The following GFRA1 variants were observed in gnomAD, a reference collection of about 807,000 sequenced individuals.
GFRA1 encodes the protein GDNF family receptor alpha 1, also known as GDNF family receptor alpha-1.
In GFRA1, 16 loss-of-function variants were observed where a neutral mutation model predicts 51.6. The observed-to-expected ratio is 0.31, with a 90% CI of 0.21 to 0.47. The LOEUF (loss-of-function observed/expected upper bound fraction) is 0.47. Ranked by LOEUF, GFRA1 falls within the 20% of genes least tolerant of loss-of-function variation. GFRA1 has a pLI of 1.00. For synonymous variants in GFRA1, 270 were observed against 241.3 expected, an observed-to-expected ratio of 1.12 and a Z score of -1.10; for missense variants, 530 against 594.3, an observed-to-expected ratio of 0.89 and a Z score of 1.13.
At chr10:116,102,969 T>C (rs975127310) in intron 6 of GFRA1, among the ~76,000 whole-genome samples, 5 of 152,150 alleles carry the variant, frequency 3.3e-5, no homozygotes, top group Non-Finnish European at 5.9e-5. Flanking sequence ...CTTCAAACCA[T>C]TTAGTTTCTG....
intron 6 of GFRA1, among the ~76,000 whole-genome samples, chr10:116,098,238 C>G (rs116816039): frequency 6.6e-6 from 1 of 152,192 alleles, no homozygotes; most frequent in Non-Finnish European, 1.5e-5. Context: ...GGCCATGTGC[C>G]GAAGCTAAGT....
intron 5 of GFRA1, among the ~76,000 whole-genome samples, chr10:116,168,625 T>C (rs1227022426): frequency 1.3e-5 from 2 of 152,170 alleles, no homozygotes; most frequent in African/African-American, 4.8e-5. Flanking sequence ...AGGTGGATCA[T>C]GGCCAGTGGA....
chr10:116,203,340 G>A (rs1964487239), intron 5 of GFRA1, among the ~76,000 whole-genome samples: 1 of 152,166 alleles, frequency 6.6e-6, no homozygotes, highest in South Asian at 2.1e-4. Flanking sequence ...CAGACATCAG[G>A]GGTTCAAGCA....
intron 9 of GFRA1, among the ~76,000 whole-genome samples, chr10:116,075,846 G>A (rs1228238956): frequency 2.0e-5 from 3 of 151,988 alleles, no homozygotes; most frequent in East Asian, 3.9e-4. Flanking sequence ...CCGGGTTCAC[G>A]CCATTCTCCT....
At chr10:116,224,030 T>C (rs568271206) in intron 4 of GFRA1, among the ~76,000 whole-genome samples, 15 of 152,324 alleles carry the variant, frequency 9.8e-5, no homozygotes, top group African/African-American at 3.6e-4. Context: ...AAACAGAGCA[T>C]CGCTCACTAG....
intron 6 of GFRA1, among the ~76,000 whole-genome samples, chr10:116,116,472 G>A (rs1044262089): frequency 6.6e-6 from 1 of 152,228 alleles, no homozygotes; most frequent in Non-Finnish European, 1.5e-5. Flanking sequence ...GGTGAGGGTT[G>A]AGGACACTGA....
chr10:116,208,194 C>G (rs1589873848), intron 5 of GFRA1, among the ~76,000 whole-genome samples: 1 of 152,108 alleles, frequency 6.6e-6, no homozygotes, highest in East Asian at 1.9e-4. Flanking sequence ...TGTCCTCCCC[C>G]AGATACTTCA....
At position 116,065,598 on chromosome 10, in the gene GFRA1, C is replaced by A; in HGVS notation, c.1226G>T (p.Gly409Val). The change falls in exon 10 of 11, where the codon GGC becomes GTC. Residue 409 changes from glycine (G) to valine (V), a missense_variant. Transcript: ENST00000355422. ...ATTGGAAATACAGAGGTGTGTATTG[C>A]CCGACACATTGGATTTCAGCTTCTG... ...QAQKLKSNVS[G>V]NTHLCISNGN... 1 of 1,613,476 alleles carries A rather than the reference C, an allele frequency of 6.2e-7. No individual in the cohort carries two copies.
intron 6 of GFRA1, among the ~76,000 whole-genome samples, chr10:116,105,514 C>T (rs938476262): frequency 6.6e-6 from 1 of 152,158 alleles, no homozygotes; most frequent in Non-Finnish European, 1.5e-5. Context: ...CAAAGGTCAT[C>T]CACCATGGCT....
At position 116,125,244 on chromosome 10, in the gene GFRA1, G is replaced by A. The variant is rs76248338; in HGVS notation, c.747C>T (p.Ser249=). The part of the protein sequence containing the change: ...EKPNCLNLQD[S]CKTNYICRSR... The stretch of plus-strand genomic sequence containing the variant: ...ACCTGCAGATGTAATTCGTCTTGCA[G>A]GAGTCCTGCAAATTCAAACAGTTGG... The change falls in exon 6 of 11, where the codon TCC becomes TCT. Residue 249 remains serine, a synonymous_variant. Coordinates refer to ENST00000355422, the MANE Select transcript of GFRA1 (RefSeq NM_005264.8). 9,038 of 1,614,140 alleles carry A rather than the reference G, an allele frequency of 5.6e-3. 31 individuals are homozygous for A. The highest frequency in any genetic ancestry group is 6.1e-3 in the Non-Finnish European group (7,201 of 1,179,988).
intron 4 of GFRA1, among the ~76,000 whole-genome samples, chr10:116,249,653 A>C (rs1458638888): frequency 1.3e-5 from 2 of 152,168 alleles, no homozygotes; most frequent in African/African-American, 4.8e-5. Flanking sequence ...GCTGGGCACC[A>C]AATAGCTATT....
At chr10:116,110,508 T>C (rs1357581292) in intron 6 of GFRA1, among the ~76,000 whole-genome samples, 1 of 152,170 alleles carries the variant, frequency 6.6e-6, no homozygotes, top group East Asian at 1.9e-4. Context: ...GCATCTCTTA[T>C]ACACCAGAAC....
chr10:116,197,954 G>C (rs1175553940), intron 5 of GFRA1, among the ~76,000 whole-genome samples: 1 of 152,214 alleles, frequency 6.6e-6, no homozygotes, highest in Admixed American at 6.5e-5. Context: ...AGGAAGGCCA[G>C]TGTGGTGACA....
At chr10:116,192,800 C>G (rs770988927) in intron 5 of GFRA1, among the ~76,000 whole-genome samples, 23 of 152,174 alleles carry the variant, frequency 1.5e-4, no homozygotes, top group Non-Finnish European at 2.6e-4. Flanking sequence ...TTATGGGCAC[C>G]AAGGACAGAA....
intron 5 of GFRA1, among the ~76,000 whole-genome samples, chr10:116,129,341 G>A (rs1002492974): frequency 6.6e-6 from 1 of 152,056 alleles, no homozygotes. Flanking sequence ...TGACCAACTT[G>A]GGTTTATCTC....
In GFRA1 at chr10:116,272,181, C is replaced by T; in HGVS notation, c.-152G>A. On this transcript the variant is annotated 5_prime_UTR_variant, in exon 2 of 11. Coordinates refer to ENST00000355422, the MANE Select transcript of GFRA1 (RefSeq NM_005264.8). The surrounding 1 kb of genome is among the most constrained non-coding windows in gnomAD (Gnocchi z 4.4). ...CTCCATCCAGTGAAAGAGGAAACTC[C>T]GGGTCTGGCAGCAGCCACCGCCGCC... 1 of 733,494 alleles carries T rather than the reference C, an allele frequency of 1.4e-6. No individual in the cohort carries two copies. The highest frequency in any genetic ancestry group is 2.3e-6 in the Non-Finnish European group (1 of 429,592). 45.4% of individuals were successfully genotyped at this position (733,494 alleles called of 1,614,324 possible).
intron 4 of GFRA1, among the ~76,000 whole-genome samples, chr10:116,256,014 G>A (rs1968819288): frequency 6.6e-6 from 1 of 152,128 alleles, no homozygotes; most frequent in Admixed American, 6.5e-5. Context: ...GAATGCATAG[G>A]AAAGGAAGGC....
chr10:116,100,699 T>C (rs1956784969), intron 6 of GFRA1, among the ~76,000 whole-genome samples: 1 of 152,338 alleles, frequency 6.6e-6, no homozygotes, highest in East Asian at 1.9e-4. Flanking sequence ...GGCAAAGATA[T>C]GCTTCAGACC....
At chr10:116,152,681 C>T (rs1022791342) in intron 5 of GFRA1, among the ~76,000 whole-genome samples, 2 of 152,174 alleles carry the variant, frequency 1.3e-5, no homozygotes, top group Admixed American at 1.3e-4. Flanking sequence ...ACATCCAAAC[C>T]ATATCACATG....
Sources: gnomAD v4.1 joint callset for allele counts (sites outside exome capture counted in the v4.1 genomes callset) on GRCh38, gnomAD v4.1.1 for gene constraint, Gnocchi (gnomAD v3.1) non-coding constraint, MANE v1.5 for transcripts, NCBI Gene and HGNC (gene_info 2026-07-23, HGNC 2026-07-21) for gene names.